Variants in ANXA5 observed in about 807,000 individuals in gnomAD.
The protein encoded by ANXA5 is annexin A5.
A neutral mutation model predicts 48.1 loss-of-function variants in ANXA5; 40 were observed. The ratio of observed to expected loss-of-function variants is 0.83; its 90% CI spans 0.65 to 1.08. The LOEUF (loss-of-function observed/expected upper bound fraction) is 1.08. Ranked by LOEUF, ANXA5 falls within the 50% of genes least tolerant of loss-of-function variation. The pLI is 0.00. For synonymous variants in ANXA5, 113 were observed against 129.1 expected (o/e 0.88, Z 0.85); for missense variants, 357 against 376.8 (o/e 0.95, Z 0.44).
At chr4:121,696,512 T>C (rs1725084855) in intron 2 of ANXA5, 69 bp downstream of exon 2, 2 of 1,307,140 alleles carry the variant, frequency 1.5e-6, no homozygotes, top group Non-Finnish European at 2.0e-6. Context: ...AGACAAATCC[T>C]AAAAGTCCCT....
intron 2 of ANXA5, among the ~76,000 whole-genome samples, chr4:121,688,841 A>G (rs1724935495): frequency 6.6e-6 from 1 of 152,152 alleles, no homozygotes; most frequent in Non-Finnish European, 1.5e-5. Flanking sequence ...CCTCAGCTAA[A>G]CAAGGGACTG....
At chr4:121,668,706 T>A (rs1724562250) in intron 12 of ANXA5, among the ~76,000 whole-genome samples, 179 bp from the exon 13 acceptor site, 1 of 152,042 alleles carries the variant, frequency 6.6e-6, no homozygotes, top group Non-Finnish European at 1.5e-5. Context: ...CCTCAGACAC[T>A]CAGTATTCCC....
Position 121,696,305 on chromosome 4 carries a change from G to C in ANXA5, c.9+276C>G, listed in dbSNP as rs1725080553. On this transcript the variant is annotated intron_variant, in intron 2 of 12. Coordinates refer to ENST00000296511, the MANE Select transcript of ANXA5 (RefSeq NM_001154.4). The stretch of plus-strand genomic sequence containing the variant: ...TTTTACACATTCACTCATGAAAAGG[G>C]AGCGCACACAAATCCGGCCACGTCA... 2.6e-5 allele frequency among the ~76,000 whole-genome samples: 4 copies of C among 152,080 alleles called. No homozygotes were observed. The South Asian group carries it at 8.3e-4, about 32-fold the overall frequency.
intron 2 of ANXA5, among the ~76,000 whole-genome samples, chr4:121,693,604 A>G (rs1357554964): frequency 1.3e-5 from 2 of 152,228 alleles, no homozygotes; most frequent in Admixed American, 6.5e-5. Context: ...GGAGAACTGG[A>G]TATTAGATAA....
intron 2 of ANXA5, among the ~76,000 whole-genome samples, chr4:121,694,322 AC>A (rs1273268201): frequency 2.0e-5 from 3 of 152,142 alleles, no homozygotes; most frequent in Non-Finnish European, 4.4e-5. Context: ...CTTCTAATGA[AC>A]AATTACGTAG....
rs192609563 is a variant in ANXA5, at chr4:121,672,962, G to C, written c.532-336C>G. 3.9e-4 allele frequency among the ~76,000 whole-genome samples: 59 copies of C among 152,286 alleles called. No individual in the cohort carries two copies. The East Asian group carries it at 9.8e-3, about 25-fold the overall frequency. On this transcript the variant is annotated intron_variant, in intron 8 of 12. Coordinates refer to ENST00000296511, the MANE Select transcript of ANXA5 (RefSeq NM_001154.4). ...AGGAGAAAGTTATGACTACCTCACT[G>C]TTGATACATCCATGTATAGACTGGG...
chr4:121,668,441 C>A lies in ANXA5; in HGVS notation c.*27G>T, dbSNP rs375326644. Reference sequence around the variant, plus strand: ...AAGGCAGTGGGGTGGTGCAGGCACACAGCAGGGAGCTCTTCCCCGTGACAC... The same window carrying A: ...AAGGCAGTGGGGTGGTGCAGGCACAAAGCAGGGAGCTCTTCCCCGTGACAC... On this transcript the variant is annotated 3_prime_UTR_variant, in exon 13 of 13. Transcript: ENST00000296511. 2 of 1,611,444 alleles carry A rather than the reference C, an allele frequency of 1.2e-6. No individual in the cohort carries two copies. Among genetic ancestry groups the A allele is most frequent in the African/African-American group, 2.7e-5 (2 of 74,824 alleles).
chr4:121,691,200 C>A (rs1451130697), intron 2 of ANXA5, among the ~76,000 whole-genome samples: 1 of 152,036 alleles, frequency 6.6e-6, no homozygotes, highest in Non-Finnish European at 1.5e-5. Context: ...AATACTTGGC[C>A]AAAATATACA....
At chr4:121,673,298 T>C (rs112869698) in intron 8 of ANXA5, among the ~76,000 whole-genome samples, 73 of 152,292 alleles carry the variant, frequency 4.8e-4, no homozygotes, top group South Asian at 1.0e-3. Flanking sequence ...CCTAAAAAAA[T>C]AAGCTTATAT....
chr4:121,685,187 T>A (rs998796880), intron 3 of ANXA5, among the ~76,000 whole-genome samples: 1 of 152,150 alleles, frequency 6.6e-6, no homozygotes, highest in Middle Eastern at 3.4e-3. Context: ...CTACCCCCCA[T>A]TCCCAACCTA....
At chr4:121,691,803 G>A (rs1001181187) in intron 2 of ANXA5, among the ~76,000 whole-genome samples, 1 of 151,946 alleles carries the variant, frequency 6.6e-6, no homozygotes, top group Non-Finnish European at 1.5e-5. Context: ...AATGGTTCCC[G>A]CTAATGAGAA....
intron 8 of ANXA5, among the ~76,000 whole-genome samples, chr4:121,674,572 G>A (rs913246394): frequency 6.6e-6 from 1 of 152,096 alleles, no homozygotes; most frequent in African/African-American, 2.4e-5. Flanking sequence ...AGGTACAGGA[G>A]TTAAGCCTGT....
rs971708658 is a variant in ANXA5, at chr4:121,668,333, T to C, written c.*135A>G. 13 of 712,188 alleles carry C rather than the reference T, an allele frequency of 1.8e-5. No homozygotes were observed. The highest frequency in any genetic ancestry group is 4.7e-5 in the Admixed American group (2 of 42,566). 44.1% of individuals were successfully genotyped at this position (712,188 alleles called of 1,614,324 possible). ...CACCACTATTTTCTTCTATGACGTG[T>C]ATGTGTTGGTCATGAGCATGCTAGT... On this transcript the variant is annotated 3_prime_UTR_variant, in exon 13 of 13. Coordinates refer to ENST00000296511, the MANE Select transcript of ANXA5 (RefSeq NM_001154.4).
intron 9 of ANXA5, among the ~76,000 whole-genome samples, chr4:121,672,015 G>A (rs1455124667): frequency 6.6e-6 from 1 of 152,156 alleles, no homozygotes; most frequent in East Asian, 1.9e-4. Context: ...TGATAATGAA[G>A]AAAGAAAACC....
chr4:121,678,025 G>A, intron 7 of ANXA5, 75 bp from the exon 8 acceptor site: 2 of 1,107,364 alleles, frequency 1.8e-6, no homozygotes, highest in South Asian at 2.5e-5. Flanking sequence ...TCCACCTGAT[G>A]GTTATTCAAT....
At chr4:121,685,212 G>A (rs55956709) in intron 3 of ANXA5, among the ~76,000 whole-genome samples, 6,739 of 151,986 alleles carry the variant, frequency 0.044, 178 homozygotes, top group South Asian at 0.12. Context: ...GAAGTAGATG[G>A]AAAAATACTT....
Position 121,671,402 on chromosome 4 carries a change from T to C in ANXA5, c.721+145A>G, listed in dbSNP as rs1035733297. The C allele has an allele frequency of 8.5e-6, 5 of 587,058 alleles. No homozygotes were observed. In the Admixed American group the frequency reaches 1.5e-4, roughly 18 times the overall value. The allele number at this position is 587,058 out of a possible 1,614,324, so 36.4% of individuals were successfully genotyped here. A position where few individuals can be genotyped will look rare whatever the true frequency, so the allele number is the denominator to read the frequency against. On this transcript the variant is annotated intron_variant, in intron 10 of 12. Coordinates refer to ENST00000296511, the MANE Select transcript of ANXA5 (RefSeq NM_001154.4). ...TCCAACATCAAAATAAATTTCTGAA[T>C]TGGAAATTTGGGAGTTTGCTTCCCC...
At position 121,686,403 on chromosome 4, in the gene ANXA5, T is replaced by C. The variant is rs1467410244; in HGVS notation, c.10-31A>G. 3.3e-6 allele frequency: 5 copies of C among 1,495,824 alleles called. No individual in the cohort carries two copies. In the East Asian group the frequency reaches 6.8e-5, roughly 20 times the overall value. 92.7% of individuals were successfully genotyped at this position (1,495,824 alleles called of 1,614,324 possible). ...TCACGAAACACAGTGGTATTATTCA[T>C]ATCATGACTAATATGACAAAGTAAA... On this transcript the variant is annotated intron_variant, in intron 2 of 12. Transcript: ENST00000296511.
At chr4:121,676,649 G>T (rs1173499898) in intron 8 of ANXA5, among the ~76,000 whole-genome samples, 1 of 148,756 alleles carries the variant, frequency 6.7e-6, no homozygotes, top group East Asian at 2.0e-4. Flanking sequence ...TCCAGAGAAC[G>T]TGGCAAGAAC....
Sources: allele counts gnomAD v4.1 joint callset (sites outside exome capture counted in the v4.1 genomes callset), GRCh38; gene constraint gnomAD v4.1.1; transcripts MANE v1.5; gene names NCBI Gene and HGNC (gene_info 2026-07-23, HGNC 2026-07-21).